TRIP11: variants seen among roughly 807,000 people sequenced by gnomAD.
TRIP11 encodes thyroid receptor-interacting protein 11.
Under a neutral mutation model 223.1 loss-of-function variants are expected in TRIP11, and 148 were observed. That is an observed-to-expected ratio of 0.66 (90% CI 0.58 to 0.76). The LOEUF is 0.76. Ranked by LOEUF, TRIP11 falls within the 30% of genes least tolerant of loss-of-function variation. The probability of loss-of-function intolerance (pLI) is 0.00; values close to 1 mark genes in which losing one functional copy is unlikely to be tolerated. For synonymous variants in TRIP11, 762 were observed against 772.6 expected (o/e 0.99, Z 0.23); for missense variants, 2,043 against 2,222.0 (o/e 0.92, Z 1.62).
rs190976966 is a variant in TRIP11, at chr14:91,971,456, T to A, written c.5719+1261A>T. 4.3e-4 allele frequency among the ~76,000 whole-genome samples: 65 copies of A among 152,188 alleles called. 1 individual carries two copies. The East Asian group carries it at 0.011, about 25-fold the overall frequency. ...CAACCCAAGCCATCACCAGCTTTTG[T>A]ATCCTATCAATACAAATCAGGCTGG... On this transcript the variant is annotated intron_variant, in intron 20 of 20. Transcript: ENST00000267622.
intron 7 of TRIP11, among the ~76,000 whole-genome samples, chr14:92,012,788 C>G (rs768083719): frequency 6.6e-6 from 1 of 152,030 alleles, no homozygotes; most frequent in Non-Finnish European, 1.5e-5. Flanking sequence ...AAGAGATAGG[C>G]AGGAACTAGA....
intron 13 of TRIP11, among the ~76,000 whole-genome samples, chr14:91,997,841 C>T (rs1443475617): frequency 6.6e-6 from 1 of 151,854 alleles, no homozygotes; most frequent in Non-Finnish European, 1.5e-5. Context: ...AGGTTATTCT[C>T]AAAGTTATTA....
At position 91,968,364 on chromosome 14, in the gene TRIP11, T is replaced by A. The variant is rs2056360182; in HGVS notation, c.*1309A>T. On this transcript the variant is annotated 3_prime_UTR_variant, in exon 21 of 21. Transcript: ENST00000267622. ...TTTTTATGATGGGTTTATGAAAAAT[T>A]AAAGAAATACTTTCTTAAGTTTCAA... 4.9e-6 allele frequency: 1 copy of A among 205,480 alleles called. No individual in the cohort carries two copies. Among genetic ancestry groups the A allele is most frequent in the Non-Finnish European group, 9.9e-6 (1 of 100,596 alleles). The allele number at this position is 205,480 out of a possible 1,614,324, so 12.7% of individuals were successfully genotyped here.
intron 4 of TRIP11, among the ~76,000 whole-genome samples, chr14:92,020,329 G>A (rs902405383): frequency 3.3e-5 from 5 of 151,688 alleles, no homozygotes; most frequent in East Asian, 1.9e-4. Flanking sequence ...CAAGCATTTC[G>A]GATAAGAGAT....
Position 92,005,104 on chromosome 14 carries a change from A to G in TRIP11, c.2872T>C (p.Phe958Leu). Residue 958 changes from phenylalanine to leucine, a missense_variant, in exon 11 of 21, where the codon TTT (phenylalanine) becomes CTT (leucine). By Grantham distance (22) the Phe-to-Leu change is conservative. Transcript: ENST00000267622. Reference sequence around the variant, plus strand: ...TTAATTTCCTCATCCTTCTCTAAAAAGAGCTGGGTGTGTGTGGCGTTCATT... The same window carrying G: ...TTAATTTCCTCATCCTTCTCTAAAAGGAGCTGGGTGTGTGTGGCGTTCATT... ...EQMNATHTQL[F>L]LEKDEEIKSL... is the part of the protein sequence containing the mutation. 1.9e-6 allele frequency: 3 copies of G among 1,613,730 alleles called. No homozygotes were observed. Among genetic ancestry groups the G allele is most frequent in the Non-Finnish European group, 2.5e-6 (3 of 1,180,024 alleles).
chr14:92,026,579 C>T, intron 2 of TRIP11: 1 of 1,279,840 alleles, frequency 7.8e-7, no homozygotes, highest in Non-Finnish European at 1.1e-6. Context: ...TCAGACGCAG[C>T]CGTGGACACC....
Position 92,021,730 on chromosome 14 carries a change from T to C in TRIP11, c.414A>G (p.Pro138=). Residue 138 remains proline (P), a synonymous_variant, in exon 4 of 21, where the codon CCA becomes CCG. Coordinates refer to ENST00000267622, the MANE Select transcript of TRIP11 (RefSeq NM_004239.4). ...CGAATGAAGATGATGCAGTGGTTGC[T>C]GGTACACCAGCTCCTGAAGGTACTG... ...AQSVPSGAGV[P]ATTASSSFAY... 1 of 1,614,212 alleles carries C rather than the reference T, an allele frequency of 6.2e-7. No homozygotes were observed. Among genetic ancestry groups the C allele is most frequent in the Non-Finnish European group, 8.5e-7 (1 of 1,180,038 alleles).
In TRIP11 at chr14:92,011,088, A is replaced by G; in HGVS notation, c.1228-16T>C. On this transcript the variant is annotated splice_polypyrimidine_tract_variant and intron_variant, in intron 8 of 20. Transcript: ENST00000267622. ...GACTGTTATCCTACAAAAATGTTAA[A>G]GCAGTGTTTTCAGGTAACAAGAAAT... The G allele has an allele frequency of 6.2e-7, 1 of 1,612,388 alleles. No homozygotes were observed. The highest frequency in any genetic ancestry group is 1.1e-5 in the South Asian group (1 of 91,044).
At position 91,968,064 on chromosome 14, in the gene TRIP11, G is replaced by A. The variant is rs1241845404; in HGVS notation, c.*1609C>T. The A allele has an allele frequency of 5.0e-6, 1 of 201,630 alleles. No homozygotes were observed. Among genetic ancestry groups the A allele is most frequent in the East Asian group, 7.7e-5 (1 of 13,060 alleles). The allele number at this position is 201,630 out of a possible 1,614,324, so 12.5% of individuals were successfully genotyped here. On this transcript the variant is annotated 3_prime_UTR_variant, in exon 21 of 21. Transcript: ENST00000267622. The stretch of plus-strand genomic sequence containing the variant: ...AAAAACAAGTTTCACCCATCAACAT[G>A]GAATTAAGACTTCCAGTCTTCCAAA...
At position 91,969,610 on chromosome 14, in the gene TRIP11, G is replaced by A. The variant is rs1486642839; in HGVS notation, c.*63C>T. On this transcript the variant is annotated 3_prime_UTR_variant, in exon 21 of 21. Transcript: ENST00000267622. The stretch of plus-strand genomic sequence containing the variant: ...TCCCCAAAGGCCACTTTGTGATAAA[G>A]TACATACATATAGTGTTCATGGTTT... The A allele has an allele frequency of 5.3e-6, 8 of 1,520,592 alleles. No homozygotes were observed. The highest frequency in any genetic ancestry group is 5.5e-6 in the Non-Finnish European group (6 of 1,097,006). The allele number at this position is 1,520,592 out of a possible 1,614,324, so 94.2% of individuals were successfully genotyped here.
intron 16 of TRIP11, 64 bp downstream of exon 16, chr14:91,988,220 G>C: frequency 7.6e-7 from 1 of 1,319,694 alleles, no homozygotes; most frequent in Non-Finnish European, 1.1e-6. Flanking sequence ...ATTTATGACA[G>C]AAGACTACAT....
chr14:92,030,114 G>A (rs1307346995), intron 2 of TRIP11, among the ~76,000 whole-genome samples: 2 of 149,918 alleles, frequency 1.3e-5, no homozygotes, highest in Non-Finnish European at 1.5e-5. Context: ...GGAGAATGGC[G>A]TGAACCCGGG....
Position 91,967,841 on chromosome 14 carries a change from C to T in TRIP11, c.*1832G>A, listed in dbSNP as rs2140075186. On this transcript the variant is annotated 3_prime_UTR_variant, in exon 21 of 21. Transcript: ENST00000267622. ...TCAGTGAAAGTATCTTTGTTAGGAG[C>T]ATATAAAAACCAAGGAGTAACAACT... The T allele has an allele frequency of 5.0e-6, 1 of 198,318 alleles. No individual in the cohort carries two copies. The highest frequency in any genetic ancestry group is 2.3e-5 in the African/African-American group (1 of 43,398). The allele number at this position is 198,318 out of a possible 1,614,324, so 12.3% of individuals were successfully genotyped here. A position where few individuals can be genotyped will look rare whatever the true frequency, so the allele number is the denominator to read the frequency against.
chr14:91,996,520 C>G (rs1013260048), intron 13 of TRIP11, among the ~76,000 whole-genome samples: 1 of 152,000 alleles, frequency 6.6e-6, no homozygotes, highest in African/African-American at 2.4e-5. Flanking sequence ...CTAGCCTGGG[C>G]GACAGAGTGA....
Position 92,004,231 on chromosome 14 carries a change from G to A in TRIP11, c.3745C>T (p.Leu1249Phe). 6.2e-7 allele frequency: 1 copy of A among 1,614,172 alleles called. No individual in the cohort carries two copies. Among genetic ancestry groups the A allele is most frequent in the Non-Finnish European group, 8.5e-7 (1 of 1,180,042 alleles). Reference sequence around the variant, plus strand: ...CTGTCAACCAAAACCTGTGCTTGAAGTTGGTGAAGCTCTTCCTGAAGCTGG... The same window carrying A: ...CTGTCAACCAAAACCTGTGCTTGAAATTGGTGAAGCTCTTCCTGAAGCTGG... Reference protein sequence around the residue: ...SAQLQEELHQLQAQVLVDSDN... With the variant: ...SAQLQEELHQFQAQVLVDSDN... Residue 1249 changes from leucine to phenylalanine, a missense_variant, in exon 11 of 21, where the codon CTT (leucine) becomes TTT (phenylalanine). By Grantham distance (22) the Leu-to-Phe change is conservative. Transcript: ENST00000267622.
At chr14:92,006,949 T>C (rs1014437424) in intron 10 of TRIP11, among the ~76,000 whole-genome samples, 1 of 152,160 alleles carries the variant, frequency 6.6e-6, no homozygotes, top group Non-Finnish European at 1.5e-5. Context: ...ATTACAGGCA[T>C]GAGCCACTGT....
chr14:92,007,795 T>C lies in TRIP11; in HGVS notation c.1372A>G (p.Thr458Ala). The C allele has an allele frequency of 6.2e-7, 1 of 1,613,444 alleles. No individual in the cohort carries two copies. The highest frequency in any genetic ancestry group is 8.5e-7 in the Non-Finnish European group (1 of 1,179,858). Residue 458 changes from threonine (T) to alanine (A), a missense_variant, in exon 10 of 21, where the codon ACA becomes GCA. By Grantham distance (58) the Thr-to-Ala change is moderately conservative. Transcript: ENST00000267622. ...LNNEYEVIKSTATRDISLDSE... is the reference protein window; with the variant it reads ...LNNEYEVIKSAATRDISLDSE... ...TCCAAACTTATGTCTCTTGTAGCTG[T>C]ACTTTTAATTACTTCATATTCATTG...
chr14:91,977,119 C>T, intron 16 of TRIP11: 1 of 396,566 alleles, frequency 2.5e-6, no homozygotes, highest in East Asian at 7.6e-5. Flanking sequence ...TAGACTCTGC[C>T]ACAAACCTTT....
Position 92,005,620 on chromosome 14 carries a change from C to T in TRIP11, c.2356G>A (p.Asp786Asn), listed in dbSNP as rs149902706. The T allele has an allele frequency of 6.2e-7, 1 of 1,613,938 alleles. No homozygotes were observed. Among genetic ancestry groups the T allele is most frequent in the Admixed American group, 1.7e-5 (1 of 60,022 alleles). Residue 786 changes from aspartate to asparagine, a missense_variant, in exon 11 of 21, where the codon GAT becomes AAT. Transcript: ENST00000267622. ...AELKKNIEQM[D>N]TDHKETKDVL... ...TCCTTAGTTTCTTTATGGTCAGTAT[C>T]CATTTGTTCAATATTCTTTTTGAGT...
Sources: allele counts gnomAD v4.1 joint callset (sites outside exome capture counted in the v4.1 genomes callset), GRCh38; gene constraint gnomAD v4.1.1; transcripts MANE v1.5; gene names NCBI Gene and HGNC (gene_info 2026-07-23, HGNC 2026-07-21).